The following DLC1 variants were observed in gnomAD, a reference collection of about 807,000 sequenced individuals.
The protein encoded by DLC1 is rho GTPase-activating protein 7.
Under a neutral mutation model 140.3 loss-of-function variants are expected in DLC1, and 54 were observed. The ratio of observed to expected loss-of-function variants is 0.38; its 90% CI spans 0.31 to 0.48. DLC1 has a LOEUF of 0.48. Among genes scored for constraint, DLC1 ranks in the 20% least tolerant of loss-of-function variants. The probability of loss-of-function intolerance (pLI) is 0.96; values close to 1 mark genes in which losing one functional copy is unlikely to be tolerated. For synonymous variants in DLC1, 986 were observed against 728.1 expected (o/e 1.35, Z -5.70); for missense variants, 2,536 against 1,907.0 (o/e 1.33, Z -6.14).
chr8:13,100,942 T>C (rs1335942099), intron 8 of DLC1, 172 bp from the exon 9 acceptor site: 3 of 691,914 alleles, frequency 4.3e-6, no homozygotes, highest in African/African-American at 1.9e-5. Flanking sequence ...GGTCTCACTC[T>C]GTTGTACAGG....
intron 4 of DLC1, among the ~76,000 whole-genome samples, chr8:13,336,890 A>C: frequency 2.3e-5 from 1 of 42,620 alleles, no homozygotes; most frequent in African/African-American, 5.4e-5. Flanking sequence ...CTGATGTCAA[A>C]TTTGTCATTT....
At chr8:13,238,492 G>C (rs1563189114) in intron 5 of DLC1, among the ~76,000 whole-genome samples, 1 of 151,804 alleles carries the variant, frequency 6.6e-6, no homozygotes, top group Admixed American at 6.6e-5. Context: ...CAGCCTGGGT[G>C]ACAGAGCAAG....
intron 1 of DLC1, among the ~76,000 whole-genome samples, chr8:13,505,592 C>A (rs1329098455): frequency 3.9e-5 from 6 of 152,096 alleles, no homozygotes; most frequent in Non-Finnish European, 8.8e-5. Context: ...CTGGTGGGGC[C>A]AAACCATTCT....
At chr8:13,132,368 G>C (rs532595745) in intron 5 of DLC1, among the ~76,000 whole-genome samples, 1 of 151,752 alleles carries the variant, frequency 6.6e-6, no homozygotes, top group South Asian at 2.1e-4. Flanking sequence ...AGCGCTTAAA[G>C]TATCTTACCC....
chr8:13,088,194 C>T (rs1350757252), intron 16 of DLC1, among the ~76,000 whole-genome samples: 1 of 152,190 alleles, frequency 6.6e-6, no homozygotes, highest in Non-Finnish European at 1.5e-5. Flanking sequence ...ATCCTCCTGC[C>T]TCGGCCTCCC....
intron 4 of DLC1, among the ~76,000 whole-genome samples, chr8:13,313,530 A>G (rs894531994): frequency 6.6e-6 from 1 of 152,164 alleles, no homozygotes; most frequent in Non-Finnish European, 1.5e-5. Context: ...GTGAGGGTCA[A>G]AGGAAATTGC....
chr8:13,523,907 A>T (rs1444900140), intron 1 of DLC1, among the ~76,000 whole-genome samples: 1 of 151,658 alleles, frequency 6.6e-6, no homozygotes, highest in African/African-American at 2.4e-5. Flanking sequence ...GGGAGAAAGT[A>T]TAGAAATGTT....
At chr8:13,121,074 A>G (rs1439706577) in intron 5 of DLC1, among the ~76,000 whole-genome samples, 1 of 152,140 alleles carries the variant, frequency 6.6e-6, no homozygotes, top group Non-Finnish European at 1.5e-5. Flanking sequence ...TTCGATGCAA[A>G]TGGTACAGTG....
intron 2 of DLC1, among the ~76,000 whole-genome samples, chr8:13,468,530 T>C (rs1249684718): frequency 4.6e-5 from 7 of 151,754 alleles, no homozygotes; most frequent in Non-Finnish European, 5.9e-5. Flanking sequence ...TGCACCACCG[T>C]GCTTGCCTAA....
At chr8:13,163,171 G>A (rs772307084) in intron 5 of DLC1, among the ~76,000 whole-genome samples, 7 of 152,170 alleles carry the variant, frequency 4.6e-5, no homozygotes, top group Admixed American at 1.3e-4. Context: ...TAGTCAGCAA[G>A]AGTCCATTGT....
chr8:13,471,207 A>T (rs532958674), intron 2 of DLC1, among the ~76,000 whole-genome samples: 83 of 151,926 alleles, frequency 5.5e-4, no homozygotes, highest in African/African-American at 1.9e-3. Flanking sequence ...GTCTGGATGG[A>T]TACTATTCTG....
chr8:13,330,617 C>T (rs1181311624), intron 4 of DLC1, among the ~76,000 whole-genome samples: 2 of 152,166 alleles, frequency 1.3e-5, no homozygotes, highest in African/African-American at 4.8e-5. Flanking sequence ...TAATCAAGGG[C>T]CTTCCTATCA....
intron 4 of DLC1, among the ~76,000 whole-genome samples, chr8:13,348,307 T>C (rs913508165): frequency 6.6e-6 from 1 of 152,110 alleles, no homozygotes; most frequent in African/African-American, 2.4e-5. Flanking sequence ...AGATATATTA[T>C]GGGGCAAGCG....
At chr8:13,602,789 T>C (rs1412306116) in intron 1 of DLC1, among the ~76,000 whole-genome samples, 1 of 151,954 alleles carries the variant, frequency 6.6e-6, no homozygotes, top group African/African-American at 2.4e-5. Context: ...TTTTGGCTTT[T>C]TGTATTTTCC....
At chr8:13,191,959 T>TA (rs879923481) in intron 5 of DLC1, among the ~76,000 whole-genome samples, 72 of 148,514 alleles carry the variant, frequency 4.8e-4, no homozygotes, top group Non-Finnish European at 8.5e-4. Context: ...TTATTATTAT[T>TA]TTTATGGAGT....
intron 5 of DLC1, among the ~76,000 whole-genome samples, chr8:13,221,742 A>ATG (rs1489836505): frequency 4.2e-5 from 6 of 143,750 alleles, no homozygotes; most frequent in African/African-American, 1.5e-4. Flanking sequence ...ATATATATAT[A>ATG]TATGATAAAC....
At chr8:13,579,340 TATATATATATATATATA>T (rs1277268987) in intron 1 of DLC1, among the ~76,000 whole-genome samples, 1 of 51,458 alleles carries the variant, frequency 1.9e-5, no homozygotes, top group Non-Finnish European at 3.2e-5. Context: ...TATATATATA[TATATATATATATATATA>T]TATATTTTTA....
Position 13,085,757 on chromosome 8 carries a change from A to G in DLC1, c.*54T>C. The G allele has an allele frequency of 6.2e-7, 1 of 1,609,526 alleles. No homozygotes were observed. Among genetic ancestry groups the G allele is most frequent in the Non-Finnish European group, 8.5e-7 (1 of 1,177,312 alleles). On this transcript the variant is annotated 3_prime_UTR_variant, in exon 18 of 18. Transcript: ENST00000276297. ...AGAACCCATTCTTCAAGGACTGGCA[A>G]AAGTTCTAGAAACAAACACCATGGT...
At chr8:13,414,504 C>T (rs1421563442) in intron 2 of DLC1, among the ~76,000 whole-genome samples, 1 of 152,116 alleles carries the variant, frequency 6.6e-6, no homozygotes, top group East Asian at 1.9e-4. Context: ...GTTTTCTTCT[C>T]ATAGATTGCA....
Sources: gnomAD v4.1 joint callset for allele counts (sites outside exome capture counted in the v4.1 genomes callset) on GRCh38, gnomAD v4.1.1 for gene constraint, MANE v1.5 for transcripts, NCBI Gene and HGNC (gene_info 2026-07-23, HGNC 2026-07-21) for gene names.